DENND4A: variants seen among roughly 807,000 people sequenced by gnomAD.
DENND4A encodes C-myc promoter-binding protein.
Under a neutral mutation model 199.3 loss-of-function variants are expected in DENND4A, and 70 were observed. The ratio of observed to expected loss-of-function variants is 0.35; its 90% CI spans 0.29 to 0.43. The LOEUF (loss-of-function observed/expected upper bound fraction) is 0.43, where lower values mean the gene tolerates loss of function less well. Among genes scored for constraint, DENND4A ranks in the 20% least tolerant of loss-of-function variants. The probability of loss-of-function intolerance (pLI) is 1.00; values close to 1 mark genes in which losing one functional copy is unlikely to be tolerated. For synonymous variants in DENND4A, 686 were observed against 766.9 expected, an observed-to-expected ratio of 0.89 and a Z score of 1.74; for missense variants, 1,723 against 2,255.8, an observed-to-expected ratio of 0.76 and a Z score of 4.78.
chr15:65,769,919 C>G (rs913099824), intron 1 of DENND4A, among the ~76,000 whole-genome samples: 1 of 151,752 alleles, frequency 6.6e-6, no homozygotes, highest in Non-Finnish European at 1.5e-5. Context: ...CTCCAGTATA[C>G]AGGCACCAAA....
At chr15:65,788,848 T>A (rs1436594255) in intron 1 of DENND4A, among the ~76,000 whole-genome samples, 1 of 121,482 alleles carries the variant, frequency 8.2e-6, no homozygotes, top group African/African-American at 3.5e-5. Context: ...GAGCCAGGAC[T>A]TGTCTTAAAA....
intron 32 of DENND4A, among the ~76,000 whole-genome samples, chr15:65,662,265 A>G (rs2075868931): frequency 6.6e-6 from 1 of 152,230 alleles, no homozygotes; most frequent in East Asian, 1.9e-4. Flanking sequence ...CAATAAAAAC[A>G]GTAAAAATAA....
chr15:65,724,534 A>G (rs934411280), intron 11 of DENND4A, among the ~76,000 whole-genome samples: 2 of 152,184 alleles, frequency 1.3e-5, no homozygotes, highest in African/African-American at 4.8e-5. Context: ...GAACCTTTTT[A>G]TATTCCCTAA....
At chr15:65,709,719 A>AATATATATATATATAT (rs1555422997) in intron 14 of DENND4A, among the ~76,000 whole-genome samples, 17 of 51,468 alleles carry the variant, frequency 3.3e-4, no homozygotes, top group East Asian at 1.9e-3. Flanking sequence ...AAAAAAAAAA[A>AATATATATATATATAT]ATATATATAT....
chr15:65,705,768 C>G (rs2075027955), intron 15 of DENND4A, among the ~76,000 whole-genome samples: 1 of 151,632 alleles, frequency 6.6e-6, no homozygotes, highest in South Asian at 2.1e-4. Flanking sequence ...GTGAGGAAAC[C>G]AGCTTTAACG....
At chr15:65,769,686 ATTTTC>A (rs1314232585) in intron 1 of DENND4A, among the ~76,000 whole-genome samples, 5 of 151,780 alleles carry the variant, frequency 3.3e-5, no homozygotes, top group East Asian at 1.9e-4. Context: ...TTTGGTATTG[ATTTTC>A]TTTTCTTTTT....
intron 27 of DENND4A, among the ~76,000 whole-genome samples, chr15:65,669,295 A>G (rs774396134): frequency 6.6e-6 from 1 of 152,246 alleles, no homozygotes; most frequent in Non-Finnish European, 1.5e-5. Context: ...TGATTTCTGC[A>G]TCAGTTTTAA....
At chr15:65,791,031 T>C (rs991189247) in intron 1 of DENND4A, among the ~76,000 whole-genome samples, 1 of 152,234 alleles carries the variant, frequency 6.6e-6, no homozygotes, top group African/African-American at 2.4e-5. Context: ...CTAAGACTTC[T>C]TTTACATTCG....
At chr15:65,724,456 GAAAAGT>G (rs1368070110) in intron 11 of DENND4A, among the ~76,000 whole-genome samples, 1 of 149,932 alleles carries the variant, frequency 6.7e-6, no homozygotes, top group Non-Finnish European at 1.5e-5. Context: ...AAAAAGAAAA[GAAAAGT>G]AAAACACTCA....
Position 65,756,429 on chromosome 15 carries a change from G to C in DENND4A, c.22C>G (p.Arg8Gly), listed in dbSNP as rs773874586. The change falls in exon 3 of 33, where the codon CGT becomes GGT. Residue 8 changes from arginine (R) to glycine (G), a missense_variant. This residue lies in a region of DENND4A where 725 missense variants were observed against 952.9 expected (regional missense o/e 0.76). Coordinates refer to ENST00000443035, the MANE Select transcript of DENND4A (RefSeq NM_001320835.1). MIEDKGPRVADYFVVAGL... is the reference protein window; with the variant it reads MIEDKGPGVADYFVVAGL... ...GCTACAACAAAGTAGTCAGCAACAC[G>C]AGGCCCCTTGTCTTCAATCATCTTC... 1 of 1,609,600 alleles carries C rather than the reference G, an allele frequency of 6.2e-7. No homozygotes were observed. The highest frequency in any genetic ancestry group is 8.5e-7 in the Non-Finnish European group (1 of 1,178,214).
chr15:65,760,858 C>T (rs1011931005), intron 2 of DENND4A, among the ~76,000 whole-genome samples: 1 of 152,096 alleles, frequency 6.6e-6, no homozygotes, highest in Non-Finnish European at 1.5e-5. Flanking sequence ...CCACTGCACT[C>T]CAGCCTGGGC....
chr15:65,667,309 A>G (rs911794019), intron 29 of DENND4A, 140 bp downstream of exon 29: 339 of 1,059,188 alleles, frequency 3.2e-4, no homozygotes, highest in Non-Finnish European at 4.3e-4. Context: ...CAGCCTGGCG[A>G]AAGAGTGAGA....
intron 11 of DENND4A, among the ~76,000 whole-genome samples, chr15:65,725,410 C>G (rs372581227): frequency 7.2e-5 from 11 of 152,286 alleles, no homozygotes; most frequent in African/African-American, 2.6e-4. Context: ...GGCGCGGTGG[C>G]TCACGCCTGT....
chr15:65,666,329 CTG>C (rs945462033), intron 29 of DENND4A, among the ~76,000 whole-genome samples: 39 of 152,172 alleles, frequency 2.6e-4, no homozygotes, highest in Admixed American at 2.0e-3. Context: ...AACACAAGCA[CTG>C]TGATACCATC....
chr15:65,707,689 ATTTT>A (rs199600831), intron 14 of DENND4A, among the ~76,000 whole-genome samples: 2 of 144,628 alleles, frequency 1.4e-5, no homozygotes, highest in Non-Finnish European at 3.1e-5. Flanking sequence ...ACATATTATG[ATTTT>A]TTTTTTTTTT....
chr15:65,730,407 GTGAAA>G (rs2075924515), intron 9 of DENND4A, among the ~76,000 whole-genome samples: 1 of 152,014 alleles, frequency 6.6e-6, no homozygotes. Flanking sequence ...AAGCCTCTTG[GTGAAA>G]TGAAAACATA....
In DENND4A at chr15:65,683,540, T is replaced by C. The variant is rs187017247; in HGVS notation, c.4179+6875A>G. Among the ~76,000 whole-genome samples the C allele has an allele frequency of 1.4e-3, 209 of 152,294 alleles. 2 individuals carry two copies. Among genetic ancestry groups the C allele is most frequent in the African/African-American group, 4.8e-3 (201 of 41,576 alleles). ...GAGTTAACCTCTAAGCACCTCTTAG[T>C]TGTATCCCACAAATTTTGATATATT... On this transcript the variant is annotated intron_variant, in intron 23 of 32. Coordinates refer to ENST00000443035, the MANE Select transcript of DENND4A (RefSeq NM_001320835.1).
At chr15:65,676,699 C>G in intron 23 of DENND4A, 65 bp from the exon 24 acceptor site, 1 of 1,324,820 alleles carries the variant, frequency 7.5e-7, no homozygotes, top group Non-Finnish European at 1.0e-6. Flanking sequence ...AAAGTCACTT[C>G]TAAGGCAGAA....
intron 1 of DENND4A, among the ~76,000 whole-genome samples, chr15:65,778,465 A>G (rs2077342841): frequency 6.6e-6 from 1 of 151,898 alleles, no homozygotes; most frequent in African/African-American, 2.4e-5. Context: ...AAAAAAAAAA[A>G]AAAAAGCGTT....
Sources: gnomAD v4.1 joint callset for allele counts (sites outside exome capture counted in the v4.1 genomes callset) on GRCh38, gnomAD v4.1.1 for gene constraint, gnomAD v4.1.1 regional missense constraint, MANE v1.5 for transcripts, NCBI Gene and HGNC (gene_info 2026-07-23, HGNC 2026-07-21) for gene names.